Variants in ANKRD44 observed in about 807,000 individuals in gnomAD.
ANKRD44 encodes serine/threonine-protein phosphatase 6 regulatory ankyrin repeat subunit B.
A neutral mutation model predicts 116.0 loss-of-function variants in ANKRD44; 35 were observed. The observed-to-expected ratio is 0.30, with a 90% CI of 0.23 to 0.40. The LOEUF (loss-of-function observed/expected upper bound fraction) is 0.40. Ranked by LOEUF, ANKRD44 falls within the 10% of genes least tolerant of loss-of-function variation. The pLI, the probability that ANKRD44 is intolerant of heterozygous loss-of-function variation, is 1.00. For missense variants in ANKRD44, 1,014 were observed against 1,242.6 expected (o/e 0.82, Z 2.77); for synonymous variants, 435 against 461.8 (o/e 0.94, Z 0.74).
intron 2 of ANKRD44, among the ~76,000 whole-genome samples, chr2:197,153,275 G>A (rs1443433602): frequency 6.8e-6 from 1 of 147,416 alleles, no homozygotes; most frequent in African/African-American, 2.5e-5. Context: ...AGGAAGAAGA[G>A]GAAGAGGAAG....
At chr2:197,238,083 C>T (rs961727579) in intron 1 of ANKRD44, among the ~76,000 whole-genome samples, 11 of 152,188 alleles carry the variant, frequency 7.2e-5, no homozygotes, top group African/African-American at 2.4e-4. Flanking sequence ...GAGATTCTTC[C>T]GTTGTATGTG....
In ANKRD44 at chr2:197,212,723, G is replaced by C. The variant is rs1335376294; in HGVS notation, c.28-25617C>G. Among the ~76,000 whole-genome samples, 1 of 152,156 alleles carries C rather than the reference G, an allele frequency of 6.6e-6. No homozygotes were observed. The highest frequency in any genetic ancestry group is 1.9e-4 in the East Asian group (1 of 5,198). On this transcript the variant is annotated intron_variant, in intron 1 of 27. Coordinates refer to ENST00000282272, the MANE Select transcript of ANKRD44 (RefSeq NM_001195144.2). This position sits in a 1 kb window ranked among gnomAD's most constrained non-coding sequence, Gnocchi z 4.8. ...ATCACAGCAACTGCAGTGGTGTCAT[G>C]TCAGACATGTTTTTGCTCAAAAGAA...
At chr2:197,112,434 G>T (rs2078603754) in intron 8 of ANKRD44, among the ~76,000 whole-genome samples, 1 of 152,184 alleles carries the variant, frequency 6.6e-6, no homozygotes, top group East Asian at 1.9e-4. Context: ...TCTGGGCCAG[G>T]CGCAGTGGCT....
Position 197,284,503 on chromosome 2 carries a change from AACACAC to A in ANKRD44, c.27+26069_27+26074del, listed in dbSNP as rs10547024. 6.5e-4 allele frequency among the ~76,000 whole-genome samples: 90 copies of A among 137,862 alleles called. 1 individual carries two copies. Among genetic ancestry groups the A allele is most frequent in the African/African-American group, 1.7e-3 (68 of 39,012 alleles). 90.4% of individuals were successfully genotyped at this position (137,862 alleles called of 152,430 possible). On this transcript the variant is annotated intron_variant, in intron 1 of 27. Coordinates refer to ENST00000282272, the MANE Select transcript of ANKRD44 (RefSeq NM_001195144.2). ...AAGAACTCACGGCAACAGAGAGTCA[AACACAC>A]ACACACACACACACACACACACACA...
chr2:197,015,940 A>G (rs2076384061), intron 17 of ANKRD44: 3 of 530,698 alleles, frequency 5.7e-6, no homozygotes, highest in African/African-American at 1.9e-5. Flanking sequence ...TTTTGGTGGA[A>G]GAAGCTCAGA....
intron 1 of ANKRD44, among the ~76,000 whole-genome samples, chr2:197,304,738 C>T (rs2084018425): frequency 1.3e-5 from 2 of 152,212 alleles, no homozygotes; most frequent in South Asian, 4.1e-4. Flanking sequence ...ATAGCAAACA[C>T]TGGTAATCAA....
chr2:197,152,728 G>A (rs992992570), intron 2 of ANKRD44, among the ~76,000 whole-genome samples: 3 of 152,146 alleles, frequency 2.0e-5, no homozygotes, highest in African/African-American at 7.2e-5. Flanking sequence ...GCAGACTGAG[G>A]GGCACCCTAC....
At chr2:197,139,185 T>C (rs992860871) in intron 3 of ANKRD44, among the ~76,000 whole-genome samples, 2 of 152,116 alleles carry the variant, frequency 1.3e-5, no homozygotes, top group Non-Finnish European at 2.9e-5. Flanking sequence ...CCCAATCATA[T>C]ACCCTAGAGA....
chr2:197,012,129 G>A (rs979615460), intron 18 of ANKRD44, among the ~76,000 whole-genome samples: 1 of 152,206 alleles, frequency 6.6e-6, no homozygotes, highest in African/African-American at 2.4e-5. Context: ...CAAAGCACAC[G>A]CTAAAGCTTC....
At chr2:197,078,352 TC>T (rs2077719222) in intron 16 of ANKRD44, 2 of 331,500 alleles carry the variant, frequency 6.0e-6, no homozygotes, top group Non-Finnish European at 1.2e-5. Flanking sequence ...GAGGAGCATT[TC>T]TTATATGGGA....
chr2:197,152,175 GC>G (rs1366477384), intron 2 of ANKRD44, among the ~76,000 whole-genome samples: 2 of 152,160 alleles, frequency 1.3e-5, no homozygotes, highest in Non-Finnish European at 2.9e-5. Flanking sequence ...ACCTATAGTG[GC>G]CGAGCTAAGT....
chr2:197,042,900 G>T (rs2076937328), intron 16 of ANKRD44, among the ~76,000 whole-genome samples: 1 of 152,200 alleles, frequency 6.6e-6, no homozygotes, highest in Admixed American at 6.5e-5. Context: ...TGCAGTTTAT[G>T]AATTTGGGCC....
chr2:197,057,429 T>C (rs541553155), intron 16 of ANKRD44, among the ~76,000 whole-genome samples: 3 of 152,320 alleles, frequency 2.0e-5, no homozygotes, highest in African/African-American at 7.2e-5. Flanking sequence ...CAGTCTAAAA[T>C]ACATACTTTT....
At chr2:197,041,167 G>A (rs2076903825) in intron 16 of ANKRD44, among the ~76,000 whole-genome samples, 1 of 152,184 alleles carries the variant, frequency 6.6e-6, no homozygotes, top group South Asian at 2.1e-4. Context: ...TGTTGGACAA[G>A]AGACAGAGTA....
At chr2:197,258,270 C>CT (rs71395680) in intron 1 of ANKRD44, among the ~76,000 whole-genome samples, 6,101 of 79,148 alleles carry the variant, frequency 0.077, 438 homozygotes, top group African/African-American at 0.17. Flanking sequence ...TTGGCTAATC[C>CT]TTTTTTTTTT....
chr2:197,256,527 G>A (rs1294059294), intron 1 of ANKRD44, among the ~76,000 whole-genome samples: 1 of 151,938 alleles, frequency 6.6e-6, no homozygotes, highest in Non-Finnish European at 1.5e-5. Context: ...CTTTACACCA[G>A]GAAATAAATC....
At chr2:197,263,475 C>G (rs1392755948) in intron 1 of ANKRD44, 1 of 421,510 alleles carries the variant, frequency 2.4e-6, no homozygotes, top group African/African-American at 2.1e-5. Context: ...GCTTTACCCT[C>G]TAGGAAACCA....
intron 3 of ANKRD44, among the ~76,000 whole-genome samples, chr2:197,140,869 C>T (rs981113493): frequency 1.3e-5 from 2 of 152,154 alleles, no homozygotes; most frequent in African/African-American, 2.4e-5. Flanking sequence ...AGGTTGTAGA[C>T]ATTAAATATA....
chr2:197,271,799 A>G (rs1341325763), intron 1 of ANKRD44, among the ~76,000 whole-genome samples: 2 of 152,008 alleles, frequency 1.3e-5, no homozygotes, highest in African/African-American at 4.8e-5. Flanking sequence ...ATGGAGTTTC[A>G]CCATGTTGCC....
Sources: gnomAD v4.1 joint callset for allele counts (sites outside exome capture counted in the v4.1 genomes callset) on GRCh38, gnomAD v4.1.1 for gene constraint, Gnocchi (gnomAD v3.1) non-coding constraint, MANE v1.5 for transcripts, NCBI Gene and HGNC (gene_info 2026-07-23, HGNC 2026-07-21) for gene names.